SEC31A: variants seen among roughly 807,000 people sequenced by gnomAD.
SEC31A encodes the protein SEC31 homolog A, COPII component, also known as protein transport protein Sec31A.
A neutral mutation model predicts 151.0 loss-of-function variants in SEC31A; 70 were observed. The ratio of observed to expected loss-of-function variants is 0.46; its 90% CI spans 0.38 to 0.57. The LOEUF is 0.57. Among genes scored for constraint, SEC31A ranks in the 20% least tolerant of loss-of-function variants. SEC31A has a pLI of 0.00. For synonymous variants in SEC31A, 475 were observed against 505.9 expected (o/e 0.94, Z 0.82); for missense variants, 1,330 against 1,471.2 (o/e 0.90, Z 1.57).
At chr4:82,828,289 CAT>C (rs950582823) in intron 23 of SEC31A, among the ~76,000 whole-genome samples, 3 of 152,162 alleles carry the variant, frequency 2.0e-5, no homozygotes, top group Non-Finnish European at 4.4e-5. Context: ...TGTATGTGCA[CAT>C]GTGTTTAATA....
At chr4:82,831,729 A>C (rs557697326) in intron 22 of SEC31A, among the ~76,000 whole-genome samples, 25 of 152,190 alleles carry the variant, frequency 1.6e-4, no homozygotes, top group Non-Finnish European at 3.4e-4. Context: ...ATAAATGAGA[A>C]TAGGCCCAGC....
intron 20 of SEC31A, among the ~76,000 whole-genome samples, chr4:82,845,658 T>C (rs1022473536): frequency 4.8e-5 from 7 of 145,748 alleles, no homozygotes; most frequent in Non-Finnish European, 1.0e-4. Context: ...AAAAAGTAAT[T>C]GAGTAAAAAA....
rs140972088 is a variant in SEC31A at position 82,819,403 on chromosome 4, T to C, written c.3484-150A>G. On this transcript the variant is annotated intron_variant, in intron 26 of 26. Coordinates refer to ENST00000395310, the MANE Select transcript of SEC31A (RefSeq NM_001077207.4). ...CCATTTAGCATTTCTAGAAAGTTTC[T>C]TGAACCAAGCAACAGTTATCAAGTA... The C allele has an allele frequency of 1.8e-3, 976 of 535,062 alleles. 4 individuals carry two copies. Among genetic ancestry groups the C allele is most frequent in the Admixed American group, 4.9e-3 (119 of 24,114 alleles). 33.1% of individuals were successfully genotyped at this position (535,062 alleles called of 1,614,324 possible). A position where few individuals can be genotyped will look rare whatever the true frequency, so the allele number is the denominator to read the frequency against.
chr4:82,899,676 C>T (rs886561423), intron 3 of SEC31A: 3 of 152,586 alleles, frequency 2.0e-5, no homozygotes, highest in African/African-American at 7.2e-5. Flanking sequence ...AAGATACAAG[C>T]ATATTATAAT....
chr4:82,833,040 C>T (rs1324130184), intron 22 of SEC31A, among the ~76,000 whole-genome samples: 1 of 152,168 alleles, frequency 6.6e-6, no homozygotes. Context: ...TTTGACCCAG[C>T]CATCCCATTA....
At chr4:82,831,781 T>C (rs1324157503) in intron 22 of SEC31A, among the ~76,000 whole-genome samples, 1 of 152,106 alleles carries the variant, frequency 6.6e-6, no homozygotes, top group Admixed American at 6.6e-5. Context: ...TGTAAGAATA[T>C]ACAGATTTAT....
intron 18 of SEC31A, 108 bp downstream of exon 18, chr4:82,853,459 AAAG>A (rs1187586589): frequency 2.2e-6 from 2 of 919,288 alleles, no homozygotes; most frequent in East Asian, 2.9e-5. Flanking sequence ...TTATCCAGCA[AAAG>A]AAGTTCTTGA....
intron 16 of SEC31A, among the ~76,000 whole-genome samples, chr4:82,856,202 G>A (rs1478630559): frequency 2.6e-5 from 4 of 151,998 alleles, no homozygotes; most frequent in African/African-American, 9.7e-5. Context: ...CCGGGCTGGA[G>A]TGCAATGGCG....
chr4:82,838,064 T>G (rs1003439824), intron 22 of SEC31A, among the ~76,000 whole-genome samples: 2 of 152,142 alleles, frequency 1.3e-5, no homozygotes, highest in African/African-American at 2.4e-5. Flanking sequence ...TAGAAAGACA[T>G]GAATCCTTGA....
chr4:82,888,705 A>C (rs34307552), intron 1 of SEC31A, among the ~76,000 whole-genome samples: 1 of 151,286 alleles, frequency 6.6e-6, no homozygotes, highest in Non-Finnish European at 1.5e-5. Flanking sequence ...AAATAAAAAA[A>C]AAAAAAAATT....
At chr4:82,845,117 G>C in intron 20 of SEC31A, 1 of 911,152 alleles carries the variant, frequency 1.1e-6, no homozygotes, top group Non-Finnish European at 1.7e-6. Flanking sequence ...GGGTGAAAGA[G>C]CTTGAGGAAG....
intron 14 of SEC31A, among the ~76,000 whole-genome samples, chr4:82,860,082 G>T (rs893594783): frequency 4.0e-5 from 6 of 151,792 alleles, no homozygotes; most frequent in Non-Finnish European, 7.4e-5. Context: ...ATGAGCCACT[G>T]CGCCTGGCCA....
chr4:82,859,788 A>AAT (rs1491308980), intron 14 of SEC31A, among the ~76,000 whole-genome samples: 2 of 68,216 alleles, frequency 2.9e-5, no homozygotes, highest in South Asian at 9.5e-4. Context: ...CTTGCATAAA[A>AAT]ATATTTTTTT....
chr4:82,872,053 C>T lies in SEC31A; in HGVS notation c.673G>A (p.Val225Ile). The T allele has an allele frequency of 1.2e-6, 2 of 1,614,108 alleles. No individual in the cohort carries two copies. The highest frequency in any genetic ancestry group is 1.1e-5 in the South Asian group (1 of 91,084). ...GAGGCAAGGACCATCTGAGTAGCAA[C>T]ATCAGGATGCCATGCCAACCCAGAA... ...HCSGLAWHPD[V>I]ATQMVLASED... Residue 225 changes from valine to isoleucine, a missense_variant, in exon 7 of 27, where the codon GTT becomes ATT. Val to Ile is a conservative substitution (Grantham distance 29). Transcript: ENST00000395310.
chr4:82,871,353 A>C (rs550221033), intron 7 of SEC31A: 1 of 1,520,518 alleles, frequency 6.6e-7, no homozygotes, highest in Admixed American at 2.0e-5. Context: ...ACGTAGGTAC[A>C]GTAAAATGTT....
chr4:82,855,061 A>C (rs770241249), intron 16 of SEC31A, 32 bp from the exon 17 acceptor site: 2 of 1,558,778 alleles, frequency 1.3e-6, no homozygotes, highest in East Asian at 2.3e-5. Flanking sequence ...AAGAATTAAA[A>C]GTCTTTAACA....
At chr4:82,871,557 C>A in intron 7 of SEC31A, 2 of 672,116 alleles carry the variant, frequency 3.0e-6, no homozygotes, top group African/African-American at 1.8e-5. Context: ...GGGCAGATCA[C>A]TTGAGGTCAG....
intron 1 of SEC31A, among the ~76,000 whole-genome samples, chr4:82,882,953 A>G (rs1739724656): frequency 6.6e-6 from 1 of 152,190 alleles, no homozygotes; most frequent in South Asian, 2.1e-4. Context: ...CCCCGTCTCT[A>G]TTAAAAATAC....
chr4:82,880,722 C>T (rs954194676), intron 3 of SEC31A, 77 bp downstream of exon 3: 9 of 1,246,756 alleles, frequency 7.2e-6, no homozygotes, highest in African/African-American at 6.1e-5. Flanking sequence ...CTAATAATGG[C>T]ATAATTATAG....
Sources: allele counts gnomAD v4.1 joint callset (sites outside exome capture counted in the v4.1 genomes callset), GRCh38; gene constraint gnomAD v4.1.1; transcripts MANE v1.5; gene names NCBI Gene and HGNC (gene_info 2026-07-23, HGNC 2026-07-21).